ESRRG: variants seen among roughly 807,000 people sequenced by gnomAD.
The protein encoded by ESRRG is estrogen-related receptor gamma.
Under a neutral mutation model 44.0 loss-of-function variants are expected in ESRRG, and 13 were observed. The ratio of observed to expected loss-of-function variants is 0.30; its 90% CI spans 0.19 to 0.47. ESRRG has a LOEUF of 0.47. ESRRG is among the 20% of genes least tolerant of loss of function. The pLI is 1.00. For missense variants in ESRRG, 395 were observed against 580.6 expected (o/e 0.68, Z 3.29); for synonymous variants, 215 against 214.6 (o/e 1.00, Z -0.02).
intron 1 of ESRRG, among the ~76,000 whole-genome samples, chr1:216,691,554 G>C (rs975987414): frequency 6.6e-6 from 1 of 152,102 alleles, no homozygotes; most frequent in East Asian, 1.9e-4. Flanking sequence ...ACACACAAAG[G>C]TTACAGCATT....
chr1:216,959,522 TC>T (rs2068622416), intron 1 of ESRRG: 1 of 150,486 alleles, frequency 6.6e-6, no homozygotes, highest in South Asian at 2.1e-4. Flanking sequence ...CAGGACCCTA[TC>T]TTAAAAAAAA....
At chr1:216,605,367 C>T (rs542856073) in intron 3 of ESRRG, among the ~76,000 whole-genome samples, 10 of 151,666 alleles carry the variant, frequency 6.6e-5, no homozygotes, top group Non-Finnish European at 1.2e-4. Flanking sequence ...AAAAGATTAT[C>T]AATCATTCTA....
rs1560083472 is a variant in ESRRG at position 216,912,186 on chromosome 1, G to GAAAAGA, written c.-14+27395_-14+27396insTCTTTT. ...AAAAGAAAAGAAAAGAAAAGAAAAG[G>GAAAAGA]AGAGGAGAGGAGAGGAGAGGAGAGG... On this transcript the variant is annotated intron_variant, in intron 2 of 7. Coordinates refer to the ESRRG transcript ENST00000359162. Among the ~76,000 whole-genome samples, 21 of 12,756 alleles carry GAAAAGA rather than the reference G, an allele frequency of 1.6e-3. 2 individuals are homozygous for GAAAAGA. Among genetic ancestry groups the GAAAAGA allele is most frequent in the East Asian group, 5.3e-3 (2 of 376 alleles). 8.4% of individuals were successfully genotyped at this position (12,756 alleles called of 152,430 possible).
At chr1:216,902,102 T>G (rs990270961) in intron 2 of ESRRG, among the ~76,000 whole-genome samples, 1 of 152,174 alleles carries the variant, frequency 6.6e-6, no homozygotes, top group South Asian at 2.1e-4. Context: ...AAGACATCTC[T>G]CCCAACTGCT....
chr1:216,667,837 G>A (rs1042401538), intron 2 of ESRRG, among the ~76,000 whole-genome samples: 1 of 151,730 alleles, frequency 6.6e-6, no homozygotes, highest in African/African-American at 2.4e-5. Context: ...GGTGGCTCAC[G>A]CTAATCCTAG....
intron 2 of ESRRG, among the ~76,000 whole-genome samples, chr1:216,746,408 T>C (rs570764937): frequency 2.0e-5 from 3 of 152,266 alleles, no homozygotes; most frequent in South Asian, 2.1e-4. Context: ...AATGCCCTCA[T>C]TGGAAAAATA....
intron 5 of ESRRG, among the ~76,000 whole-genome samples, chr1:216,542,506 G>A (rs1326563915): frequency 6.6e-6 from 1 of 151,938 alleles, no homozygotes; most frequent in Non-Finnish European, 1.5e-5. Flanking sequence ...CAATGTAACA[G>A]GGAGAATTAA....
rs183697953 is a variant in ESRRG at position 216,975,027 on chromosome 1, T to C, written c.-105-35354A>G. Among the ~76,000 whole-genome samples, 8 of 152,336 alleles carry C rather than the reference T, an allele frequency of 5.3e-5. No individual in the cohort carries two copies. The East Asian group carries it at 1.2e-3, about 22-fold the overall frequency. ...ATCTGCTTAAACTGTTGACACTATCTGTTTTAGTTAACAAATTTGTTTTAT... is the reference window on the plus strand; with the variant it reads ...ATCTGCTTAAACTGTTGACACTATCCGTTTTAGTTAACAAATTTGTTTTAT... On this transcript the variant is annotated intron_variant, in intron 1 of 7. Coordinates refer to the ESRRG transcript ENST00000359162.
In ESRRG at chr1:216,907,590, T is replaced by C. The variant is rs147402353; in HGVS notation, c.-14+31992A>G. 9.1e-4 allele frequency among the ~76,000 whole-genome samples: 138 copies of C among 152,316 alleles called. 1 individual carries two copies. Among genetic ancestry groups the C allele is most frequent in the African/African-American group, 3.2e-3 (134 of 41,578 alleles). On this transcript the variant is annotated intron_variant, in intron 2 of 7. Coordinates refer to the ESRRG transcript ENST00000359162. ...CGCTGAAGAGCCAAGGAATAGCGCC[T>C]TCCCTTGTACCCCTGTAACTACCAC...
intron 2 of ESRRG, among the ~76,000 whole-genome samples, chr1:216,731,516 T>C (rs1420261802): frequency 6.6e-6 from 1 of 152,224 alleles, no homozygotes; most frequent in Non-Finnish European, 1.5e-5. Context: ...GATGAGAACA[T>C]ATCACATTCT....
At chr1:217,079,261 T>C (rs1558223132) in intron 1 of ESRRG, among the ~76,000 whole-genome samples, 1 of 152,258 alleles carries the variant, frequency 6.6e-6, no homozygotes, top group Non-Finnish European at 1.5e-5. Flanking sequence ...CTTTCTCTTC[T>C]GTCTCTATGA....
chr1:216,683,445 T>A (rs1336818963), intron 1 of ESRRG, among the ~76,000 whole-genome samples: 3 of 152,170 alleles, frequency 2.0e-5, no homozygotes, highest in Non-Finnish European at 4.4e-5. Context: ...TTTGAACAAA[T>A]AACTTGTGCA....
At chr1:216,835,772 A>T (rs1232308747) in intron 2 of ESRRG, among the ~76,000 whole-genome samples, 1 of 152,202 alleles carries the variant, frequency 6.6e-6, no homozygotes. Context: ...CAGGAACGGG[A>T]GTCAGGTCAA....
rs1001447653 is a variant in ESRRG at position 216,677,392 on chromosome 1, G to A, written c.156C>T (p.Ser52=). 3.1e-6 allele frequency: 5 copies of A among 1,614,140 alleles called. No homozygotes were observed. Among genetic ancestry groups the A allele is most frequent in the Admixed American group, 1.7e-5 (1 of 60,020 alleles). The change falls in exon 2 of 7, where the codon AGC becomes AGT. Residue 52 remains serine, a synonymous_variant. Coordinates refer to ENST00000408911, the MANE Select transcript of ESRRG (RefSeq NM_001438.4). The part of the protein sequence containing the change: ...EPSSPASLTD[S]VNHHSPGGSS... The stretch of plus-strand genomic sequence containing the variant: ...AGCCACCAGGGCTGTGGTGGTTGAC[G>A]CTGTCCGTCAGGGAGGCTGGGCTGG...
chr1:216,988,286 G>A (rs972875601), intron 1 of ESRRG, among the ~76,000 whole-genome samples: 2 of 152,164 alleles, frequency 1.3e-5, no homozygotes, highest in Admixed American at 1.3e-4. Flanking sequence ...TGACATTTGA[G>A]GGTGAGAAAT....
At chr1:217,115,656 C>G (rs1238317506) in intron 1 of ESRRG, among the ~76,000 whole-genome samples, 1 of 152,192 alleles carries the variant, frequency 6.6e-6, no homozygotes, top group Non-Finnish European at 1.5e-5. Flanking sequence ...TCCTTCAGGT[C>G]TGCACTCAAA....
At chr1:216,826,432 T>A (rs2095397433) in intron 2 of ESRRG, among the ~76,000 whole-genome samples, 1 of 152,166 alleles carries the variant, frequency 6.6e-6, no homozygotes, top group Non-Finnish European at 1.5e-5. Flanking sequence ...CCAGCCATTA[T>A]CAGCACAGTT....
chr1:216,632,029 G>T (rs768079600), intron 3 of ESRRG, among the ~76,000 whole-genome samples: 1 of 152,112 alleles, frequency 6.6e-6, no homozygotes, highest in Non-Finnish European at 1.5e-5. Context: ...AAACATGGTA[G>T]ACATGTAAAT....
intron 2 of ESRRG, among the ~76,000 whole-genome samples, chr1:216,768,450 T>TTATCTATCTATCTGTC (rs1488675539): frequency 4.6e-3 from 526 of 114,760 alleles, no homozygotes; most frequent in Non-Finnish European, 5.9e-3. Context: ...CTATCTATCA[T>TTATCTATCTATCTGTC]TATCTATCTA....
Sources: allele counts gnomAD v4.1 joint callset (sites outside exome capture counted in the v4.1 genomes callset), GRCh38; gene constraint gnomAD v4.1.1; transcripts MANE v1.5; gene names NCBI Gene and HGNC (gene_info 2026-07-23, HGNC 2026-07-21).